The following NEB variants were observed in gnomAD, a reference collection of about 807,000 sequenced individuals.
The protein encoded by NEB is nebulin, also known as nemaline myopathy type 2.
NEB carries 512 observed loss-of-function variants against 952.2 expected under a neutral mutation model. The observed-to-expected ratio is 0.54, with a 90% CI of 0.50 to 0.58. The LOEUF is 0.58. NEB is among the 20% of genes least tolerant of loss of function. The pLI is 0.00. For synonymous variants in NEB, 2,900 were observed against 3,149.8 expected (o/e 0.92, Z 2.66); for missense variants, 8,428 against 9,231.1 (o/e 0.91, Z 3.56).
At chr2:151,685,176 A>T (rs2099485429) in intron 27 of NEB, among the ~76,000 whole-genome samples, 1 of 152,290 alleles carries the variant, frequency 6.6e-6, no homozygotes, top group East Asian at 1.9e-4. Flanking sequence ...TCTCAAATCA[A>T]TGAGAAACTG....
At chr2:151,640,862 T>C (rs1280949006) in intron 60 of NEB, among the ~76,000 whole-genome samples, 196 bp from the exon 61 acceptor site, 5 of 151,930 alleles carry the variant, frequency 3.3e-5, no homozygotes, top group Admixed American at 1.3e-4. Context: ...ATAAAATATA[T>C]ACCATATAGA....
rs563768825 is a variant in NEB at position 151,541,513 on chromosome 2, G to T, written c.20616C>A (p.Ile6872=). 4 of 1,613,532 alleles carry T rather than the reference G, an allele frequency of 2.5e-6. No individual in the cohort carries two copies. In the South Asian group the frequency reaches 3.3e-5, roughly 13 times the overall value. Residue 6872 remains isoleucine, a synonymous_variant, in exon 136 of 182, where the codon ATC becomes ATA. Coordinates refer to ENST00000397345, the MANE Select transcript of NEB (RefSeq NM_001164508.2). ...YRAAGKKQKS[I]FTSVPDTPDL... is the part of the protein sequence containing the mutation. Reference sequence around the variant, plus strand: ...CAGGAGTATCAGGAACTGAAGTAAAGATTGACTTCTGCTTCTTGCCTGCAG... The same window carrying T: ...CAGGAGTATCAGGAACTGAAGTAAATATTGACTTCTGCTTCTTGCCTGCAG...
chr2:151,616,066 T>C lies in NEB; in HGVS notation c.11225A>G (p.Tyr3742Cys), dbSNP rs752598891. Residue 3742 changes from tyrosine to cysteine, a missense_variant, in exon 76 of 182, where the codon TAT becomes TGT. Tyr to Cys is a radical substitution (Grantham distance 194). Around this residue, in one of 11 missense-constraint regions of NEB, gnomAD observed 1,772 missense variants for 1,960.3 expected, o/e 0.90. Coordinates refer to ENST00000397345, the MANE Select transcript of NEB (RefSeq NM_001164508.2). Reference sequence around the variant, plus strand: ...TGGAATGGCATCCAGACGCAAGTCATAGCCTTCCTTCTTGGACTCTTCCAA... The same window carrying C: ...TGGAATGGCATCCAGACGCAAGTCACAGCCTTCCTTCTTGGACTCTTCCAA... ...LALEESKKEG[Y>C]DLRLDAIPIQ... 1.3e-5 allele frequency: 21 copies of C among 1,613,162 alleles called. 1 individual carries two copies. In the South Asian group the frequency reaches 1.9e-4, roughly 14 times the overall value.
In NEB at chr2:151,578,365, A is replaced by T. The variant is rs146383966; in HGVS notation, c.16704+973T>A. On this transcript the variant is annotated intron_variant, in intron 105 of 181. Transcript: ENST00000397345. ...AGATGGTCCTGCCCTTCTTTGATTCATAGCTGAAGGACCATGGACATTCTT... is the reference window on the plus strand; with the variant it reads ...AGATGGTCCTGCCCTTCTTTGATTCTTAGCTGAAGGACCATGGACATTCTT... 8.3e-3 allele frequency among the ~76,000 whole-genome samples: 1,247 copies of T among 149,834 alleles called. 8 individuals are homozygous for T. The highest frequency in any genetic ancestry group is 0.021 in the Middle Eastern group (6 of 288).
In NEB at chr2:151,568,628, A is replaced by T; in HGVS notation, c.17624T>A (p.Ile5875Asn). The T allele has an allele frequency of 1.2e-6, 2 of 1,606,886 alleles. No homozygotes were observed. Among genetic ancestry groups the T allele is most frequent in the Non-Finnish European group, 1.7e-6 (2 of 1,176,102 alleles). ...DYVTAKQSGEILDDIKYRKDW... is the reference protein window; with the variant it reads ...DYVTAKQSGENLDDIKYRKDW... ...CAGCCATATACTTACATCATCGAGG[A>T]TCTCGCCACTTTGTTTCGCTGTCAC... The change falls in exon 111 of 182, where the codon ATC becomes AAC. Residue 5875 changes from isoleucine to asparagine, a missense_variant. Physicochemically the swap from Ile to Asn is moderately radical, Grantham distance 149. Coordinates refer to ENST00000397345, the MANE Select transcript of NEB (RefSeq NM_001164508.2).
At position 151,655,331 on chromosome 2, in the gene NEB, T is replaced by G. The variant is rs753810451; in HGVS notation, c.6746A>C (p.His2249Pro). The G allele has an allele frequency of 1.9e-6, 3 of 1,602,390 alleles. No individual in the cohort carries two copies. The African/African-American group carries it at 4.0e-5, about 21-fold the overall frequency. Residue 2249 changes from histidine to proline, a missense_variant, in exon 51 of 182, where the codon CAT becomes CCT. By Grantham distance (77) the His-to-Pro change is moderately conservative. Around this residue, in one of 11 missense-constraint regions of NEB, gnomAD observed 2,851 missense variants for 2,791.5 expected, o/e 1.02. Coordinates refer to ENST00000397345, the MANE Select transcript of NEB (RefSeq NM_001164508.2). ...AATATCTGGTGTATCAGGCATCACA[T>G]GAATCTTGGTCTTATCTTTATTCCA... ...IDWNKDKTKI[H>P]VMPDTPDILQ... is the part of the protein sequence containing the mutation.
intron 116 of NEB, 54 bp from the exon 117 acceptor site, chr2:151,565,202 T>A: frequency 1.1e-6 from 1 of 934,882 alleles, no homozygotes; most frequent in Non-Finnish European, 1.6e-6. Context: ...TAAATTTTTA[T>A]AAGATTACCT....
intron 71 of NEB, 57 bp from the exon 72 acceptor site, chr2:151,621,083 A>C: frequency 7.1e-7 from 1 of 1,416,100 alleles, no homozygotes; most frequent in East Asian, 2.5e-5. Context: ...CGAAAAGTAT[A>C]TTTTCTGCCA....
chr2:151,573,269 T>C (rs2096709517), intron 107 of NEB, among the ~76,000 whole-genome samples: 1 of 152,190 alleles, frequency 6.6e-6, no homozygotes, highest in Non-Finnish European at 1.5e-5. Context: ...AGTTAATAAT[T>C]TTACTTTTAG....
chr2:151,562,794 TTTTCTGTAGTTCAACTAATATG>T lies in NEB; in HGVS notation c.18694-8_18707del. 6.4e-7 allele frequency: 1 copy of T among 1,566,422 alleles called. No individual in the cohort carries two copies. The highest frequency in any genetic ancestry group is 8.7e-7 in the Non-Finnish European group (1 of 1,152,728). On this transcript the variant is annotated splice_acceptor_variant and splice_polypyrimidine_tract_variant and coding_sequence_variant and intron_variant, in exon 120 of 182. Transcript: ENST00000397345. LOFTEE classifies it high-confidence loss of function. ...CATTTGCTTTGGTATCCTCATAATG[TTTTCTGTAGTTCAACTAATATG>T]TTTTAAAGACAAAAATAAGAAAGGG...
At chr2:151,575,034 C>T (rs1011717402) in intron 107 of NEB, among the ~76,000 whole-genome samples, 1 of 152,106 alleles carries the variant, frequency 6.6e-6, no homozygotes, top group South Asian at 2.1e-4. Flanking sequence ...GCCACCATGC[C>T]CAGCTGGTCT....
At chr2:151,564,777 T>C (rs970966240) in intron 117 of NEB, among the ~76,000 whole-genome samples, 15 of 152,206 alleles carry the variant, frequency 9.9e-5, no homozygotes, top group Non-Finnish European at 1.8e-4. Context: ...ACTTGCACGA[T>C]CTCCTGAAGG....
At chr2:151,535,628 A>G in intron 142 of NEB, 63 bp downstream of exon 142, 1 of 1,073,310 alleles carries the variant, frequency 9.3e-7, no homozygotes, top group Non-Finnish European at 1.4e-6. Context: ...TTAATTTAAA[A>G]AAACTCTGAG....
chr2:151,507,195 TAAA>T, intron 162 of NEB, 182 bp from the exon 163 acceptor site: 1 of 549,946 alleles, frequency 1.8e-6, no homozygotes, highest in South Asian at 2.3e-5. Context: ...AAACTAATTT[TAAA>T]AAACATATAA....
chr2:151,570,150 G>T lies in NEB; in HGVS notation c.17361C>A (p.His5787Gln), dbSNP rs755231047. The change falls in exon 109 of 182, where the codon CAC becomes CAA. Residue 5787 changes from histidine (H) to glutamine (Q), a missense_variant. His to Gln is a conservative substitution (Grantham distance 24). Coordinates refer to ENST00000397345, the MANE Select transcript of NEB (RefSeq NM_001164508.2). ...TCTGGTCGGGCATGCAGGTCCACTG[G>T]TGCAGGTAATTGCGGTAATCCATGT... ...VSDMDYRNYL[H>Q]QWTCMPDQND... is the part of the protein sequence containing the mutation. The T allele has an allele frequency of 6.2e-7, 1 of 1,613,430 alleles. No individual in the cohort carries two copies. The highest frequency in any genetic ancestry group is 8.5e-7 in the Non-Finnish European group (1 of 1,179,706).
intron 105 of NEB, among the ~76,000 whole-genome samples, chr2:151,578,504 T>TA (rs571600251): frequency 1.0e-3 from 157 of 150,004 alleles, no homozygotes; most frequent in African/African-American, 3.7e-3. Context: ...TACTAAAAAA[T>TA]AAAAAAATCA....
intron 171 of NEB, 69 bp downstream of exon 171, chr2:151,497,557 A>ATTAT (rs2152969722): frequency 3.3e-6 from 5 of 1,528,394 alleles, no homozygotes; most frequent in East Asian, 4.9e-5. Flanking sequence ...ATTAATACGT[A>ATTAT]TTATTTTAAA....
At chr2:151,492,772 C>T in intron 176 of NEB, 1 of 261,126 alleles carries the variant, frequency 3.8e-6, no homozygotes. Flanking sequence ...TTGAAATTTG[C>T]TAGGAATTAC....
chr2:151,687,534 T>C lies in NEB; in HGVS notation c.2524-2A>G, dbSNP rs2148951277. 1.2e-6 allele frequency: 2 copies of C among 1,612,954 alleles called. No individual in the cohort carries two copies. Among genetic ancestry groups the C allele is most frequent in the Non-Finnish European group, 1.7e-6 (2 of 1,178,954 alleles). ...TTCATAGTCTTTCTTGTACATCACC[T>C]GCAAAGACATCACACATGCCAGATC... On this transcript the variant is annotated splice_acceptor_variant, in intron 26 of 181. Coordinates refer to ENST00000397345, the MANE Select transcript of NEB (RefSeq NM_001164508.2). LOFTEE classifies it high-confidence loss of function.
Sources: gnomAD v4.1 joint callset for allele counts (sites outside exome capture counted in the v4.1 genomes callset) on GRCh38, gnomAD v4.1.1 for gene constraint, gnomAD v4.1.1 regional missense constraint, MANE v1.5 for transcripts, NCBI Gene and HGNC (gene_info 2026-07-23, HGNC 2026-07-21) for gene names.